Variants in PRKN observed in about 807,000 individuals in gnomAD.
The protein encoded by PRKN is E3 ubiquitin-protein ligase parkin.
A neutral mutation model predicts 59.5 loss-of-function variants in PRKN; 56 were observed. The observed-to-expected ratio is 0.94, with a 90% CI of 0.76 to 1.18. The LOEUF (loss-of-function observed/expected upper bound fraction) is 1.18, where lower values mean the gene tolerates loss of function less well. Among genes scored for constraint, PRKN ranks in the 50% most tolerant of loss-of-function variants. The pLI is 0.00. For synonymous variants in PRKN, 250 were observed against 222.1 expected (o/e 1.13, Z -1.12); for missense variants, 657 against 596.4 (o/e 1.10, Z -1.06).
Position 162,042,457 on chromosome 6 carries a change from T to TA in PRKN, c.618+11633_618+11634insT, listed in dbSNP as rs962764488. Among the ~76,000 whole-genome samples the TA allele has an allele frequency of 1.9e-4, 29 of 151,782 alleles. No homozygotes were observed. In the South Asian group the frequency reaches 2.3e-3, roughly 12 times the overall value. ...CAGGCATGTACCCAGCTAATTTTTT[T>TA]TTTTTATTTTTCATAGAGATGGGGT... On this transcript the variant is annotated intron_variant, in intron 5 of 11. Coordinates refer to ENST00000366898, the MANE Select transcript of PRKN (RefSeq NM_004562.3).
In PRKN at chr6:161,419,300, T is replaced by C. The variant is rs780053910; in HGVS notation, c.1084-32423A>G. ...GTCCCTGCGCCACAGTGGTAGAAAG[T>C]GACCAACTAGCAGTCAACCAGGAGA... On this transcript the variant is annotated intron_variant, in intron 9 of 11. Coordinates refer to ENST00000366898, the MANE Select transcript of PRKN (RefSeq NM_004562.3). This position sits in a 1 kb window ranked among gnomAD's most constrained non-coding sequence, Gnocchi z 4.1. Among the ~76,000 whole-genome samples the C allele has an allele frequency of 2.6e-5, 4 of 152,174 alleles. No homozygotes were observed. Among genetic ancestry groups the C allele is most frequent in the Non-Finnish European group, 4.4e-5 (3 of 68,036 alleles).
Position 162,141,732 on chromosome 6 carries a change from T to C in PRKN, c.534+59399A>G, listed in dbSNP as rs966600019. On this transcript the variant is annotated intron_variant, in intron 4 of 11. Coordinates refer to ENST00000366898, the MANE Select transcript of PRKN (RefSeq NM_004562.3). ...TATACTTTGCATAAGTGGTATATAC[T>C]GTTGGGAAGTAGGGGGAGCAAAAGA... 2.0e-5 allele frequency among the ~76,000 whole-genome samples: 3 copies of C among 152,044 alleles called. No individual in the cohort carries two copies. The East Asian group carries it at 5.8e-4, about 29-fold the overall frequency.
At chr6:161,788,472 T>G (rs1297174990) in intron 6 of PRKN, among the ~76,000 whole-genome samples, 1 of 152,194 alleles carries the variant, frequency 6.6e-6, no homozygotes, top group Non-Finnish European at 1.5e-5. Flanking sequence ...TCCAGAGTTT[T>G]GGTTCCCACA....
chr6:162,421,044 G>C, intron 2 of PRKN, among the ~76,000 whole-genome samples: 1 of 152,166 alleles, frequency 6.6e-6, no homozygotes, highest in Admixed American at 6.5e-5. Flanking sequence ...TGTGAGCACA[G>C]GCTTGCCAGC....
At chr6:161,523,124 T>C (rs1778897668) in intron 9 of PRKN, among the ~76,000 whole-genome samples, 3 of 148,706 alleles carry the variant, frequency 2.0e-5, no homozygotes, top group African/African-American at 7.9e-5. Flanking sequence ...TATTAGTTTC[T>C]ATTTTATTTT....
intron 4 of PRKN, among the ~76,000 whole-genome samples, chr6:162,197,393 T>TA (rs1212379085): frequency 6.6e-6 from 1 of 152,222 alleles, no homozygotes; most frequent in Non-Finnish European, 1.5e-5. Context: ...TAGATCTAGT[T>TA]ACTGTACTAA....
rs143677206 is a variant in PRKN at position 161,520,557 on chromosome 6, T to C, written c.1083+28297A>G. Among the ~76,000 whole-genome samples the C allele has an allele frequency of 6.0e-4, 92 of 152,140 alleles. 1 individual carries two copies. In the Middle Eastern group the frequency reaches 0.014, roughly 22 times the overall value. On this transcript the variant is annotated intron_variant, in intron 9 of 11. Transcript: ENST00000366898. Reference sequence around the variant, plus strand: ...GTTAATTCTTTATTTTGAAATATTCTAGGAGGAGGAAAAAAAAATCTGACC... The same window carrying C: ...GTTAATTCTTTATTTTGAAATATTCCAGGAGGAGGAAAAAAAAATCTGACC...
chr6:162,039,500 C>T (rs959297552), intron 5 of PRKN, among the ~76,000 whole-genome samples: 9 of 151,912 alleles, frequency 5.9e-5, no homozygotes, highest in Non-Finnish European at 1.3e-4. Context: ...AGGAGCCTGG[C>T]ACCTCCTTCT....
intron 7 of PRKN, among the ~76,000 whole-genome samples, chr6:161,598,859 T>C (rs1424783201): frequency 1.3e-5 from 2 of 152,242 alleles, no homozygotes; most frequent in Non-Finnish European, 1.5e-5. Context: ...GTCTTAACCC[T>C]AAGTACCAAT....
At chr6:161,803,399 T>C (rs1791171311) in intron 6 of PRKN, among the ~76,000 whole-genome samples, 1 of 152,220 alleles carries the variant, frequency 6.6e-6, no homozygotes, top group East Asian at 1.9e-4. Context: ...AATAGGATAG[T>C]AGTGTATGTG....
intron 5 of PRKN, among the ~76,000 whole-genome samples, chr6:162,040,812 A>G (rs1477525447): frequency 6.6e-6 from 1 of 152,062 alleles, no homozygotes; most frequent in East Asian, 1.9e-4. Flanking sequence ...AGGGAGGTCA[A>G]GTTAGTGGGG....
At chr6:161,737,084 G>A (rs1787994465) in intron 7 of PRKN, among the ~76,000 whole-genome samples, 1 of 152,210 alleles carries the variant, frequency 6.6e-6, no homozygotes, top group Admixed American at 6.5e-5. Context: ...AGGGCATGGT[G>A]CAATCAGGCA....
intron 2 of PRKN, among the ~76,000 whole-genome samples, chr6:162,318,490 A>AT (rs1272679617): frequency 6.6e-6 from 1 of 152,082 alleles, no homozygotes; most frequent in Non-Finnish European, 1.5e-5. Context: ...CCTAGAAATG[A>AT]AATTGCTGGG....
At chr6:161,412,115 CCACTCACTCATTCCTT>C (rs1334157018) in intron 9 of PRKN, among the ~76,000 whole-genome samples, 8 of 145,364 alleles carry the variant, frequency 5.5e-5, no homozygotes, top group East Asian at 4.3e-4. Context: ...ACTCATTCCT[CCACTCACTCATTCCTT>C]CACTCACTCA....
chr6:162,021,158 A>ATGTGTATATATAT (rs1783158062), intron 5 of PRKN, among the ~76,000 whole-genome samples: 1 of 23,586 alleles, frequency 4.2e-5, no homozygotes, highest in African/African-American at 1.3e-4. Flanking sequence ...ATATATATAT[A>ATGTGTATATATAT]TATATATAAA....
chr6:162,715,055 C>A (rs911787235), intron 1 of PRKN, among the ~76,000 whole-genome samples: 10 of 152,190 alleles, frequency 6.6e-5, no homozygotes, highest in Non-Finnish European at 1.2e-4. Context: ...AATTAATGAA[C>A]CATCTCCTCA....
At chr6:162,556,432 T>C (rs1419060465) in intron 1 of PRKN, among the ~76,000 whole-genome samples, 1 of 149,008 alleles carries the variant, frequency 6.7e-6, no homozygotes, top group Non-Finnish European at 1.5e-5. Context: ...TCTTTTTTTT[T>C]CCCCTCTAGT....
intron 6 of PRKN, among the ~76,000 whole-genome samples, chr6:161,957,179 T>C (rs1780200667): frequency 6.6e-6 from 1 of 152,206 alleles, no homozygotes; most frequent in Non-Finnish European, 1.5e-5. Context: ...AAACTGTTCA[T>C]TGATAATAAC....
chr6:161,383,024 T>C (rs1357080926), intron 10 of PRKN, among the ~76,000 whole-genome samples: 1 of 152,126 alleles, frequency 6.6e-6, no homozygotes, highest in Non-Finnish European at 1.5e-5. Context: ...GATGAGGGTA[T>C]TTAGTTATTA....
Sources: allele counts gnomAD v4.1 joint callset (sites outside exome capture counted in the v4.1 genomes callset), GRCh38; gene constraint gnomAD v4.1.1; non-coding constraint Gnocchi (gnomAD v3.1); transcripts MANE v1.5; gene names NCBI Gene and HGNC (gene_info 2026-07-23, HGNC 2026-07-21).